EFCAB5: variants seen among roughly 807,000 people sequenced by gnomAD.
The protein encoded by EFCAB5 is EF-hand calcium binding domain 5.
In EFCAB5, 131 loss-of-function variants were observed where a neutral mutation model predicts 167.9. That is an observed-to-expected ratio of 0.78 (90% CI 0.68 to 0.90). EFCAB5 has a LOEUF of 0.90. Among genes scored for constraint, EFCAB5 ranks in the 40% least tolerant of loss-of-function variants. The probability of loss-of-function intolerance (pLI) is 0.00; values close to 1 mark genes in which losing one functional copy is unlikely to be tolerated. For synonymous variants in EFCAB5, 574 were observed against 602.8 expected (o/e 0.95, Z 0.70); for missense variants, 1,663 against 1,745.2 (o/e 0.95, Z 0.84).
chr17:29,960,122 C>G (rs1345531058), intron 3 of EFCAB5, among the ~76,000 whole-genome samples: 1 of 152,158 alleles, frequency 6.6e-6, no homozygotes, highest in African/African-American at 2.4e-5. Flanking sequence ...CACTGCGTGA[C>G]AATGCAAAAT....
upstream of EFCAB5, among the ~76,000 whole-genome samples, chr17:29,939,455 G>T (rs1403486295): frequency 6.6e-6 from 1 of 152,180 alleles, no homozygotes; most frequent in Admixed American, 6.5e-5. Context: ...TTGAAGCTTT[G>T]AAGCCAGACG....
chr17:30,053,149 A>G lies in EFCAB5; in HGVS notation c.1301-106A>G, dbSNP rs375305492. ...GATATTTATTTAGAGCAATAGGCCT[A>G]TATTACAATTTCTGTGCTCAATGCT... On this transcript the variant is annotated intron_variant, in intron 9 of 22. Transcript: ENST00000394835. 1,043 of 1,284,130 alleles carry G rather than the reference A, an allele frequency of 8.1e-4. 4 individuals are homozygous for G. The highest frequency in any genetic ancestry group is 3.2e-3 in the South Asian group (208 of 65,712). The allele number at this position is 1,284,130 out of a possible 1,614,324, so 79.5% of individuals were successfully genotyped here. A position where few individuals can be genotyped will look rare whatever the true frequency, so the allele number is the denominator to read the frequency against.
intron 7 of EFCAB5, among the ~76,000 whole-genome samples, chr17:30,033,675 A>G (rs1051515956): frequency 6.6e-5 from 10 of 152,204 alleles, no homozygotes; most frequent in Admixed American, 5.2e-4. Flanking sequence ...AATCTACTCA[A>G]CAGGGATCAA....
intron 14 of EFCAB5, among the ~76,000 whole-genome samples, chr17:30,075,884 A>G (rs921114857): frequency 3.9e-5 from 6 of 152,236 alleles, no homozygotes; most frequent in Admixed American, 3.3e-4. Context: ...AGGAGGCAAA[A>G]GAATGAAAGG....
chr17:30,091,565 G>A (rs1285796431), intron 20 of EFCAB5, among the ~76,000 whole-genome samples: 3 of 152,170 alleles, frequency 2.0e-5, no homozygotes, highest in Non-Finnish European at 1.5e-5. Flanking sequence ...AAGAGGAAAA[G>A]GATATTCAGA....
chr17:29,996,699 C>T (rs2068550981), intron 6 of EFCAB5, among the ~76,000 whole-genome samples: 1 of 152,122 alleles, frequency 6.6e-6, no homozygotes, highest in African/African-American at 2.4e-5. Context: ...AAAGTAAAGG[C>T]ATAAGAAAAC....
chr17:29,947,912 G>A (rs1290251659), intron 3 of EFCAB5, among the ~76,000 whole-genome samples: 2 of 152,088 alleles, frequency 1.3e-5, no homozygotes, highest in Non-Finnish European at 2.9e-5. Flanking sequence ...TGCAACCTCC[G>A]CCTCCCGAGT....
intron 15 of EFCAB5, 59 bp downstream of exon 15, chr17:30,078,563 A>G (rs1427580455): frequency 8.2e-6 from 12 of 1,464,786 alleles, no homozygotes; most frequent in East Asian, 2.4e-5. Flanking sequence ...GCGATGTTCA[A>G]TGTTTGCAAA....
chr17:30,073,296 A>G (rs977931085), intron 14 of EFCAB5: 5 of 565,194 alleles, frequency 8.8e-6, no homozygotes, highest in African/African-American at 7.6e-5. Context: ...GCCTTAAGCA[A>G]TCCTCTCACC....
At chr17:30,068,404 T>TA (rs1420611388) in intron 14 of EFCAB5, among the ~76,000 whole-genome samples, 2 of 150,722 alleles carry the variant, frequency 1.3e-5, no homozygotes, top group East Asian at 2.0e-4. Context: ...GCTACAAAAA[T>TA]AAAAAATAAA....
intron 9 of EFCAB5, among the ~76,000 whole-genome samples, chr17:30,051,535 AAGTT>A: frequency 6.6e-6 from 1 of 152,320 alleles, no homozygotes; most frequent in East Asian, 1.9e-4. Context: ...TTTGGAAATT[AAGTT>A]AGTAATGGTA....
rs751784867 is a variant in EFCAB5, at chr17:30,080,201, G to T, written c.3157G>T (p.Val1053Leu). 18 of 1,612,864 alleles carry T rather than the reference G, an allele frequency of 1.1e-5. No individual in the cohort carries two copies. The African/African-American group carries it at 2.1e-4, about 19-fold the overall frequency. Reference sequence around the variant, plus strand: ...TTGTACCTTAGATGATGCTCAATTTGTACTGAACAGAGTGCTCTACAGGGA... The same window carrying T: ...TTGTACCTTAGATGATGCTCAATTTTTACTGAACAGAGTGCTCTACAGGGA... ...VACTLDDAQF[V>L]LNRVLYRDMK... Residue 1053 changes from valine (V) to leucine (L), a missense_variant, in exon 16 of 23, where the codon GTA (valine) becomes TTA (leucine). Val to Leu is a conservative substitution (Grantham distance 32, BLOSUM62 1). Coordinates refer to ENST00000394835, the MANE Select transcript of EFCAB5 (RefSeq NM_198529.4).
Position 29,942,344 on chromosome 17 carries a change from TA to T in EFCAB5, c.105+44del. The T allele has an allele frequency of 2.0e-6, 3 of 1,464,662 alleles. No homozygotes were observed. The East Asian group carries it at 7.3e-5, about 36-fold the overall frequency. 90.7% of individuals were successfully genotyped at this position (1,464,662 alleles called of 1,614,324 possible). On this transcript the variant is annotated intron_variant, in intron 2 of 22. Transcript: ENST00000394835. ...TAAATCAGATATTAATGCTGGAGAA[TA>T]AGCTAGATAAATCAATTTTCTTATG...
intron 3 of EFCAB5, among the ~76,000 whole-genome samples, chr17:29,947,753 C>T (rs1455504052): frequency 1.3e-5 from 2 of 152,180 alleles, no homozygotes; most frequent in African/African-American, 4.8e-5. Flanking sequence ...ACATCTACCA[C>T]CAACACCACA....
intron 1 of EFCAB5, among the ~76,000 whole-genome samples, chr17:29,931,603 A>G (rs933534479): frequency 6.6e-6 from 1 of 151,750 alleles, no homozygotes; most frequent in African/African-American, 2.4e-5. Context: ...AGATTAAACA[A>G]TCTGACTGTG....
In EFCAB5 at chr17:29,969,422, G is replaced by A. The variant is rs114660982; in HGVS notation, c.767+55G>A. On this transcript the variant is annotated intron_variant, in intron 4 of 22. Transcript: ENST00000394835. ...TCTGTCTCCTTACATTGAAAAACTA[G>A]TAGAAAAAATAACATAATCATGGAC... 4 of 1,401,220 alleles carry A rather than the reference G, an allele frequency of 2.9e-6. No individual in the cohort carries two copies. The African/African-American group carries it at 4.3e-5, about 15-fold the overall frequency. The allele number at this position is 1,401,220 out of a possible 1,614,324, so 86.8% of individuals were successfully genotyped here.
intron 7 of EFCAB5, among the ~76,000 whole-genome samples, chr17:30,023,918 T>C (rs528190178): frequency 6.6e-6 from 1 of 152,060 alleles, no homozygotes; most frequent in Non-Finnish European, 1.5e-5. Flanking sequence ...TAAACAGAAC[T>C]GAAGACAAAA....
intron 19 of EFCAB5, 35 bp downstream of exon 19, chr17:30,087,201 A>T: frequency 6.4e-7 from 1 of 1,569,226 alleles, no homozygotes; most frequent in Non-Finnish European, 8.8e-7. Context: ...GACTGCTAGA[A>T]CACATCCTTC....
intron 3 of EFCAB5, among the ~76,000 whole-genome samples, chr17:29,958,909 T>A (rs893862887): frequency 2.1e-4 from 32 of 152,316 alleles, no homozygotes; most frequent in South Asian, 4.1e-4. Context: ...GCCTTGGTTG[T>A]CTTGGGTAAG....
Sources: allele counts gnomAD v4.1 joint callset (sites outside exome capture counted in the v4.1 genomes callset), GRCh38; gene constraint gnomAD v4.1.1; transcripts MANE v1.5; gene names NCBI Gene and HGNC (gene_info 2026-07-23, HGNC 2026-07-21).